Variants in NUP133 observed in about 807,000 individuals in gnomAD.
NUP133 encodes nucleoporin 133, also known as nuclear pore complex protein Nup133.
Under a neutral mutation model 146.2 loss-of-function variants are expected in NUP133, and 66 were observed. The ratio of observed to expected loss-of-function variants is 0.45; its 90% CI spans 0.37 to 0.55. The LOEUF (loss-of-function observed/expected upper bound fraction) is 0.55. NUP133 is among the 20% of genes least tolerant of loss of function. NUP133 has a pLI of 0.00. For missense variants in NUP133, 1,277 were observed against 1,374.8 expected, an observed-to-expected ratio of 0.93 and a Z score of 1.12; for synonymous variants, 521 against 498.8, an observed-to-expected ratio of 1.04 and a Z score of -0.59.
intron 21 of NUP133, among the ~76,000 whole-genome samples, chr1:229,457,261 T>A (rs1440955929): frequency 6.6e-6 from 1 of 152,198 alleles, no homozygotes; most frequent in East Asian, 1.9e-4. Flanking sequence ...GAAAATATAT[T>A]GTTTTTAAAA....
chr1:229,486,735 T>C (rs1456225653), intron 10 of NUP133, among the ~76,000 whole-genome samples: 2 of 152,150 alleles, frequency 1.3e-5, no homozygotes, highest in African/African-American at 4.8e-5. Flanking sequence ...AGGCTCTGTG[T>C]CTTTCAGCTT....
intron 2 of NUP133, among the ~76,000 whole-genome samples, chr1:229,504,451 T>C (rs982308410): frequency 6.6e-6 from 1 of 152,214 alleles, no homozygotes; most frequent in Non-Finnish European, 1.5e-5. Flanking sequence ...ATCCAACTGC[T>C]CATCTTTAAA....
intron 11 of NUP133, among the ~76,000 whole-genome samples, chr1:229,484,899 T>G (rs1661310183): frequency 6.6e-6 from 1 of 152,186 alleles, no homozygotes. Context: ...TATTAATCCC[T>G]TTTGTGAAAA....
At chr1:229,454,185 T>C (rs1024503676) in intron 21 of NUP133, among the ~76,000 whole-genome samples, 3 of 152,082 alleles carry the variant, frequency 2.0e-5, no homozygotes, top group East Asian at 1.9e-4. Flanking sequence ...GTTATCTCCA[T>C]TGGATGAGGT....
intron 20 of NUP133, 116 bp downstream of exon 20, chr1:229,460,495 A>C: frequency 2.5e-5 from 25 of 1,008,636 alleles, no homozygotes; most frequent in Non-Finnish European, 3.1e-5. Context: ...TATTTTGGAT[A>C]GTAACCCCTT....
intron 14 of NUP133, among the ~76,000 whole-genome samples, chr1:229,473,074 AGACCCTGTCT>A (rs1660996372): frequency 1.3e-5 from 2 of 152,088 alleles, no homozygotes; most frequent in Non-Finnish European, 2.9e-5. Flanking sequence ...CAACATTATG[AGACCCTGTCT>A]CTACAGCAAA....
rs2102782006 is a variant in NUP133 at position 229,496,040 on chromosome 1, C to T, written c.827G>A (p.Ser276Asn). 6 of 1,569,448 alleles carry T rather than the reference C, an allele frequency of 3.8e-6. No homozygotes were observed. In the South Asian group the frequency reaches 6.0e-5, roughly 16 times the overall value. The part of the protein sequence containing the change: ...LSPSSDLTLS[S>N]VLWDRERSSF... Reference sequence around the variant, plus strand: ...TGATCTCTCTCTATCCCAGAGAACACTTGAAAGCTATTCAGAAAAGAAAAG... The same window carrying T: ...TGATCTCTCTCTATCCCAGAGAACATTTGAAAGCTATTCAGAAAAGAAAAG... Residue 276 changes from serine to asparagine, a missense_variant, in exon 7 of 26, where the codon AGT (serine) becomes AAT (asparagine). Around this residue, in one of 3 missense-constraint regions of NUP133, gnomAD observed 952 missense variants for 1,047.0 expected, o/e 0.91. Coordinates refer to ENST00000261396, the MANE Select transcript of NUP133 (RefSeq NM_018230.3).
intron 21 of NUP133, among the ~76,000 whole-genome samples, chr1:229,454,875 T>C (rs1280236964): frequency 6.6e-6 from 1 of 151,798 alleles, no homozygotes; most frequent in Non-Finnish European, 1.5e-5. Flanking sequence ...ATAAAAAGAT[T>C]GAAGGAAGAT....
At chr1:229,503,441 T>G (rs750693946) in intron 2 of NUP133, among the ~76,000 whole-genome samples, 2 of 152,208 alleles carry the variant, frequency 1.3e-5, no homozygotes, top group Non-Finnish European at 2.9e-5. Context: ...CTTAAAGGAA[T>G]GATAAATTAT....
chr1:229,494,085 A>G (rs1661591837), intron 8 of NUP133, among the ~76,000 whole-genome samples: 1 of 152,130 alleles, frequency 6.6e-6, no homozygotes, highest in Non-Finnish European at 1.5e-5. Context: ...AGCCAAGACC[A>G]TGCCATTGTA....
At chr1:229,443,129 G>A (rs983644620) in intron 25 of NUP133, among the ~76,000 whole-genome samples, 6 of 151,994 alleles carry the variant, frequency 3.9e-5, no homozygotes, top group African/African-American at 7.2e-5. Flanking sequence ...TTGACCTTTC[G>A]AGCTCAAGTG....
At chr1:229,486,230 G>A in intron 11 of NUP133, 141 bp downstream of exon 11, 1 of 693,706 alleles carries the variant, frequency 1.4e-6, no homozygotes, top group Non-Finnish European at 2.2e-6. Context: ...TCTGAGGCAG[G>A]AGGATTGCTT....
At chr1:229,479,541 TG>T (rs1406938974) in intron 12 of NUP133, among the ~76,000 whole-genome samples, 1 of 152,096 alleles carries the variant, frequency 6.6e-6, no homozygotes, top group Non-Finnish European at 1.5e-5. Context: ...TATCCCCCTG[TG>T]GGTAAGGGGG....
intron 16 of NUP133, among the ~76,000 whole-genome samples, chr1:229,465,892 CAAA>C (rs71561801): frequency 2.6e-5 from 2 of 77,374 alleles, no homozygotes; most frequent in Admixed American, 1.5e-4. Flanking sequence ...CCATGTCTCA[CAAA>C]AAAAAAAAAA....
chr1:229,467,214 A>G (rs1435654984), intron 15 of NUP133, among the ~76,000 whole-genome samples: 6 of 152,258 alleles, frequency 3.9e-5, no homozygotes, highest in Non-Finnish European at 8.8e-5. Context: ...AGTAAGCAAC[A>G]TAAGAGAATG....
At chr1:229,460,858 C>T (rs1446828941) in intron 19 of NUP133, 89 bp from the exon 20 acceptor site, 1 of 1,089,712 alleles carries the variant, frequency 9.2e-7, no homozygotes, top group Non-Finnish European at 1.3e-6. Flanking sequence ...TAAAGGCCTC[C>T]AAAACAGAAA....
intron 20 of NUP133, 55 bp downstream of exon 20, chr1:229,460,556 T>C: frequency 4.5e-6 from 7 of 1,542,934 alleles, no homozygotes; most frequent in African/African-American, 2.8e-5. Context: ...ACAAAACTAA[T>C]TAAAACTACC....
intron 8 of NUP133, 79 bp from the exon 9 acceptor site, chr1:229,490,181 C>A (rs1271565201): frequency 4.0e-6 from 5 of 1,256,716 alleles, no homozygotes; most frequent in Non-Finnish European, 5.2e-6. Context: ...ACATATGCTT[C>A]CATATAACTT....
chr1:229,499,360 C>T, intron 5 of NUP133: 1 of 444,982 alleles, frequency 2.2e-6, no homozygotes, highest in South Asian at 1.7e-5. Context: ...GAAGAGCCTC[C>T]CTTGTCTAAC....
Sources: allele counts gnomAD v4.1 joint callset (sites outside exome capture counted in the v4.1 genomes callset), GRCh38; gene constraint gnomAD v4.1.1; regional missense constraint gnomAD v4.1.1; transcripts MANE v1.5; gene names NCBI Gene and HGNC (gene_info 2026-07-23, HGNC 2026-07-21).